Variants in ZNF98 observed in about 807,000 individuals in gnomAD.
ZNF98 encodes the protein zinc finger protein 98, also known as zinc finger protein 739.
Under a neutral mutation model 12.8 loss-of-function variants are expected in ZNF98, and 8 were observed. That is an observed-to-expected ratio of 0.63 (90% confidence interval 0.37 to 1.13). ZNF98 has a LOEUF of 1.13. ZNF98 is among the 50% of genes most tolerant of loss of function. The pLI, the probability that ZNF98 is intolerant of heterozygous loss-of-function variation, is 0.01. For synonymous variants in ZNF98, 112 were observed against 223.5 expected (o/e 0.50, Z 4.45); for missense variants, 379 against 666.1 (o/e 0.57, Z 4.74).
At chr19:22,413,209 T>C (rs1010078959) in intron 1 of ZNF98, among the ~76,000 whole-genome samples, 1 of 152,062 alleles carries the variant, frequency 6.6e-6, no homozygotes, top group African/African-American at 2.4e-5. Context: ...AACACTCCTA[T>C]TCAACATAAA....
At chr19:22,420,680 C>G (rs1260552587) in intron 1 of ZNF98, among the ~76,000 whole-genome samples, 1 of 151,780 alleles carries the variant, frequency 6.6e-6, no homozygotes, top group Admixed American at 6.6e-5. Flanking sequence ...ACTAGATACT[C>G]TAGCAGACAT....
intron 1 of ZNF98, among the ~76,000 whole-genome samples, chr19:22,417,807 T>C (rs942302892): frequency 6.6e-5 from 10 of 152,074 alleles, no homozygotes; most frequent in Admixed American, 4.6e-4. Context: ...CACATTAATA[T>C]CTAGTGGGTA....
rs557823370 is a variant in ZNF98, at chr19:22,404,852, G to T, written c.31-1340C>A. Among the ~76,000 whole-genome samples the T allele has an allele frequency of 5.9e-5, 9 of 152,084 alleles. 1 individual carries two copies. The South Asian group carries it at 1.9e-3, about 32-fold the overall frequency. On this transcript the variant is annotated intron_variant, in intron 1 of 3. Coordinates refer to ENST00000357774, the MANE Select transcript of ZNF98 (RefSeq NM_001098626.2). ...AATAAATGCCATCCCATTTAAGCAA[G>T]CATTTTCTTAATCCTGTTCTGCATA...
chr19:22,421,783 C>T (rs1368117738), intron 1 of ZNF98, among the ~76,000 whole-genome samples: 2 of 152,160 alleles, frequency 1.3e-5, no homozygotes, highest in East Asian at 1.9e-4. Context: ...AATTCCCATA[C>T]ATTTTTAATA....
intron 1 of ZNF98, among the ~76,000 whole-genome samples, chr19:22,407,245 T>C (rs1164487409): frequency 6.6e-6 from 1 of 151,772 alleles, no homozygotes. Flanking sequence ...TTAGTAGAGA[T>C]AGGGTTTCAT....
intron 1 of ZNF98, among the ~76,000 whole-genome samples, chr19:22,412,067 A>C (rs932125672): frequency 1.3e-5 from 2 of 152,220 alleles, no homozygotes; most frequent in Non-Finnish European, 2.9e-5. Flanking sequence ...CACCTGACTA[A>C]ACAGTCTTAA....
chr19:22,392,751 C>T lies in ZNF98; in HGVS notation c.484G>A (p.Val162Ile), dbSNP rs769209042. 2 of 1,609,460 alleles carry T rather than the reference C, an allele frequency of 1.2e-6. No homozygotes were observed. The highest frequency in any genetic ancestry group is 2.2e-5 in the East Asian group (1 of 44,766). Residue 162 changes from valine (V) to isoleucine (I), a missense_variant, in exon 4 of 4, where the codon GTC becomes ATC. Val to Ile is a conservative substitution (Grantham distance 29). Around this residue, in one of 8 missense-constraint regions of ZNF98, gnomAD observed 223 missense variants for 261.6 expected, o/e 0.85. Coordinates refer to ENST00000357774, the MANE Select transcript of ZNF98 (RefSeq NM_001098626.2). ...KIFQYDKYVK[V>I]FHKFSNSNRH... ...TTTGAATTTGAAAATTTATGAAAGACTTTCACATATTTGTCATATTGAAAT... is the reference window on the plus strand; with the variant it reads ...TTTGAATTTGAAAATTTATGAAAGATTTTCACATATTTGTCATATTGAAAT...
At chr19:22,394,343 C>T (rs1832878033) in intron 3 of ZNF98, among the ~76,000 whole-genome samples, 1 of 151,592 alleles carries the variant, frequency 6.6e-6, no homozygotes, top group Non-Finnish European at 1.5e-5. Flanking sequence ...GGGGTATATA[C>T]CCAAAGGATT....
Position 22,403,469 on chromosome 19 carries a change from T to C in ZNF98, c.74A>G (p.Glu25Gly). The change falls in exon 2 of 4, where the codon GAG (glutamate) becomes GGG (glycine). Residue 25 changes from glutamate (E) to glycine (G), a missense_variant. By Grantham distance (98) the Glu-to-Gly change is moderately conservative. Coordinates refer to ENST00000357774, the MANE Select transcript of ZNF98 (RefSeq NM_001098626.2). Reference sequence around the variant, plus strand: ...TGCGGTGTCCAGGCATTGCCACTCCTCCAGAGAGAATTCTAAGGCCACATC... The same window carrying C: ...TGCGGTGTCCAGGCATTGCCACTCCCCCAGAGAGAATTCTAAGGCCACATC... ...FRDVALEFSLEEWQCLDTAQQ... is the reference protein window; with the variant it reads ...FRDVALEFSLGEWQCLDTAQQ... 6.2e-7 allele frequency: 1 copy of C among 1,609,900 alleles called. No homozygotes were observed. Among genetic ancestry groups the C allele is most frequent in the South Asian group, 1.1e-5 (1 of 90,492 alleles).
Position 22,409,766 on chromosome 19 carries a change from G to T in ZNF98, c.31-6254C>A, listed in dbSNP as rs143873150. Among the ~76,000 whole-genome samples, 897 of 151,984 alleles carry T rather than the reference G, an allele frequency of 5.9e-3. 9 individuals carry two copies. Among genetic ancestry groups the T allele is most frequent in the African/African-American group, 0.021 (862 of 41,458 alleles). On this transcript the variant is annotated intron_variant, in intron 1 of 3. Coordinates refer to ENST00000357774, the MANE Select transcript of ZNF98 (RefSeq NM_001098626.2). ...GCCTCTACTAAAAATACAATAATTA[G>T]CTGGGCATGGTAGTGGATGTCTGTA...
intron 1 of ZNF98, among the ~76,000 whole-genome samples, chr19:22,408,568 G>A (rs774568694): frequency 6.6e-5 from 10 of 152,058 alleles, no homozygotes; most frequent in South Asian, 2.1e-4. Context: ...CAAAAACTCC[G>A]TAAGCTGATA....
intron 1 of ZNF98, among the ~76,000 whole-genome samples, chr19:22,412,563 C>G (rs1433781812): frequency 6.6e-6 from 1 of 150,480 alleles, no homozygotes; most frequent in Non-Finnish European, 1.5e-5. Context: ...AAGAAATAAC[C>G]AAAATCATTT....
intron 1 of ZNF98, among the ~76,000 whole-genome samples, chr19:22,412,985 G>A (rs936966070): frequency 3.9e-5 from 6 of 151,972 alleles, no homozygotes; most frequent in South Asian, 4.2e-4. Context: ...CCCACGAGGC[G>A]GAGCTTGCAG....
At chr19:22,412,470 T>C (rs144695849) in intron 1 of ZNF98, among the ~76,000 whole-genome samples, 3 of 152,218 alleles carry the variant, frequency 2.0e-5, no homozygotes, top group East Asian at 3.9e-4. Context: ...ATTGAAAAGT[T>C]AGACTTCAGT....
intron 2 of ZNF98, among the ~76,000 whole-genome samples, 179 bp downstream of exon 2, chr19:22,403,207 A>G (rs1368477): frequency 2.7e-4 from 40 of 149,332 alleles, no homozygotes; most frequent in African/African-American, 3.2e-4. Flanking sequence ...GAAAGTTCAG[A>G]TCAAAATGAA....
chr19:22,417,134 CAGA>C (rs2145123047), intron 1 of ZNF98, among the ~76,000 whole-genome samples: 1 of 139,556 alleles, frequency 7.2e-6, no homozygotes, highest in East Asian at 2.1e-4. Context: ...GAGGCTAAGG[CAGA>C]AGAATTACTT....
intron 3 of ZNF98, among the ~76,000 whole-genome samples, chr19:22,394,132 T>G (rs1290485544): frequency 7.0e-6 from 1 of 143,850 alleles, no homozygotes; most frequent in Non-Finnish European, 1.5e-5. Flanking sequence ...AAAACCACAA[T>G]GAGATACCAT....
In ZNF98 at chr19:22,413,047, C is replaced by T. The variant is rs889135541; in HGVS notation, c.30+9148G>A. Among the ~76,000 whole-genome samples the T allele has an allele frequency of 7.3e-5, 11 of 150,554 alleles. No individual in the cohort carries two copies. In the South Asian group the frequency reaches 8.4e-4, roughly 11 times the overall value. On this transcript the variant is annotated intron_variant, in intron 1 of 3. Coordinates refer to ENST00000357774, the MANE Select transcript of ZNF98 (RefSeq NM_001098626.2). Reference sequence around the variant, plus strand: ...CAGCCTGGGTGACAGAGCGAGACTCCGTCTCAAAAAAATAAAAAATAAAAA... The same window carrying T: ...CAGCCTGGGTGACAGAGCGAGACTCTGTCTCAAAAAAATAAAAAATAAAAA...
At chr19:22,399,592 CTGTCTA>C (rs1193060102) in intron 3 of ZNF98, among the ~76,000 whole-genome samples, 2 of 151,852 alleles carry the variant, frequency 1.3e-5, no homozygotes. Flanking sequence ...CTTTTTTTGC[CTGTCTA>C]TATTTCCTTT....
Sources: allele counts gnomAD v4.1 joint callset (sites outside exome capture counted in the v4.1 genomes callset), GRCh38; gene constraint gnomAD v4.1.1; regional missense constraint gnomAD v4.1.1; transcripts MANE v1.5; gene names NCBI Gene and HGNC (gene_info 2026-07-23, HGNC 2026-07-21).